ARHGEF28: variants seen among roughly 807,000 people sequenced by gnomAD.
ARHGEF28 encodes 190 kDa guanine nucleotide exchange factor.
Under a neutral mutation model 206.6 loss-of-function variants are expected in ARHGEF28, and 152 were observed. That is an observed-to-expected ratio of 0.74 (90% CI 0.64 to 0.84). The LOEUF (loss-of-function observed/expected upper bound fraction) is 0.84. Among genes scored for constraint, ARHGEF28 ranks in the 40% least tolerant of loss-of-function variants. ARHGEF28 has a pLI of 0.00. For missense variants in ARHGEF28, 2,028 were observed against 2,073.2 expected, an observed-to-expected ratio of 0.98 and a Z score of 0.42; for synonymous variants, 763 against 776.4, an observed-to-expected ratio of 0.98 and a Z score of 0.29.
intron 2 of ARHGEF28, among the ~76,000 whole-genome samples, chr5:73,742,183 G>T (rs752982954): frequency 3.3e-5 from 5 of 151,898 alleles, no homozygotes; most frequent in Non-Finnish European, 4.4e-5. Context: ...TAAGCTTTCT[G>T]TGTTATTTTT....
intron 1 of ARHGEF28, among the ~76,000 whole-genome samples, chr5:73,672,229 G>A (rs1010504505): frequency 6.6e-6 from 1 of 152,116 alleles, no homozygotes; most frequent in African/African-American, 2.4e-5. Flanking sequence ...GATGGATTAT[G>A]TATAAACATA....
chr5:73,759,007 G>T (rs1257640424), intron 4 of ARHGEF28, among the ~76,000 whole-genome samples: 1 of 152,098 alleles, frequency 6.6e-6, no homozygotes, highest in Non-Finnish European at 1.5e-5. Flanking sequence ...TTGAACTTTT[G>T]GAACTCTTCT....
rs35148675 is a variant in ARHGEF28 at position 73,730,659 on chromosome 5, C to A, written c.34-19178C>A. 7.2e-3 allele frequency among the ~76,000 whole-genome samples: 1,096 copies of A among 151,838 alleles called. 8 individuals carry two copies. The highest frequency in any genetic ancestry group is 8.0e-3 in the Non-Finnish European group (545 of 67,940). On this transcript the variant is annotated intron_variant, in intron 2 of 35. Transcript: ENST00000513042. ...AGGTGATCCTCCTACCTCAGGCCCC[C>A]GAGTAGTTGGGACTACAGGTGTGTG... is the stretch of plus-strand genomic sequence containing the variant.
Position 73,753,022 on chromosome 5 carries a change from C to A in ARHGEF28, c.295C>A (p.Leu99Met). Residue 99 changes from leucine (L) to methionine (M), a missense_variant, in exon 4 of 36, where the codon CTG becomes ATG. By Grantham distance (15) the Leu-to-Met change is conservative. Coordinates refer to ENST00000513042, the MANE Select transcript of ARHGEF28 (RefSeq NM_001177693.2). ...VTYVDNMACRLARLLVTQANR... is the reference protein window; with the variant it reads ...VTYVDNMACRMARLLVTQANR... Reference sequence around the variant, plus strand: ...CTACGTGGACAACATGGCTTGCAGGCTGGCTCGTCTGCTGGTGACGCAGGC... The same window carrying A: ...CTACGTGGACAACATGGCTTGCAGGATGGCTCGTCTGCTGGTGACGCAGGC... 1 of 1,610,358 alleles carries A rather than the reference C, an allele frequency of 6.2e-7. No individual in the cohort carries two copies. The highest frequency in any genetic ancestry group is 8.5e-7 in the Non-Finnish European group (1 of 1,178,422).
intron 2 of ARHGEF28, among the ~76,000 whole-genome samples, chr5:73,721,231 G>T (rs1008942502): frequency 2.0e-5 from 3 of 152,152 alleles, no homozygotes; most frequent in African/African-American, 7.2e-5. Flanking sequence ...GGGTTGCATT[G>T]TCCTGCCATG....
chr5:73,682,068 A>G (rs535592126), intron 1 of ARHGEF28, among the ~76,000 whole-genome samples: 2 of 152,226 alleles, frequency 1.3e-5, no homozygotes, highest in Non-Finnish European at 2.9e-5. Flanking sequence ...TGGATGACAG[A>G]GTGATACTGT....
chr5:73,917,323 C>A (rs1229911056), intron 35 of ARHGEF28, among the ~76,000 whole-genome samples: 2 of 152,168 alleles, frequency 1.3e-5, no homozygotes, highest in African/African-American at 4.8e-5. Context: ...TTAAAGGAAA[C>A]TATAATATTG....
chr5:73,765,777 C>T (rs1415215255), intron 4 of ARHGEF28, among the ~76,000 whole-genome samples: 1 of 152,148 alleles, frequency 6.6e-6, no homozygotes, highest in African/African-American at 2.4e-5. Flanking sequence ...TGCATGAATA[C>T]ATATGTGGCT....
At chr5:73,844,593 GTTTCATTTTCTGGTTC>G (rs902557698) in intron 11 of ARHGEF28, among the ~76,000 whole-genome samples, 17 of 143,332 alleles carry the variant, frequency 1.2e-4, no homozygotes, top group African/African-American at 4.4e-4. Context: ...TTAATTCAAA[GTTTCATTTTCTGGTTC>G]TTGTATTTCA....
At chr5:73,873,562 A>C (rs1236173967) in intron 22 of ARHGEF28, among the ~76,000 whole-genome samples, 2 of 152,188 alleles carry the variant, frequency 1.3e-5, no homozygotes, top group African/African-American at 4.8e-5. Flanking sequence ...ACACTTGGAA[A>C]GGCAGGGAGC....
At chr5:73,800,668 C>T (rs1030823573) in intron 9 of ARHGEF28, among the ~76,000 whole-genome samples, 3 of 151,990 alleles carry the variant, frequency 2.0e-5, no homozygotes, top group South Asian at 2.1e-4. Flanking sequence ...AGAAAAAACC[C>T]GTCTAGAGGC....
intron 2 of ARHGEF28, among the ~76,000 whole-genome samples, chr5:73,710,509 A>G (rs924037527): frequency 1.3e-5 from 2 of 152,144 alleles, no homozygotes; most frequent in Non-Finnish European, 2.9e-5. Flanking sequence ...CAGTATTTTA[A>G]TCATGGTTTT....
intron 1 of ARHGEF28, among the ~76,000 whole-genome samples, chr5:73,667,054 A>C (rs1395301246): frequency 6.6e-6 from 1 of 152,184 alleles, no homozygotes; most frequent in African/African-American, 2.4e-5. Context: ...TCTTAGGCAA[A>C]AAAGGAGGGG....
chr5:73,810,044 CAAG>C lies in ARHGEF28; in HGVS notation c.1024+14654_1024+14656del, dbSNP rs149436758. Among the ~76,000 whole-genome samples, 912 of 152,180 alleles carry C rather than the reference CAAG, an allele frequency of 6.0e-3. 9 individuals are homozygous for C. Among genetic ancestry groups the C allele is most frequent in the African/African-American group, 0.019 (807 of 41,524 alleles). On this transcript the variant is annotated intron_variant, in intron 9 of 35. Transcript: ENST00000513042. The stretch of plus-strand genomic sequence containing the variant: ...AACCCACTTCAATTACTATAGAAAA[CAAG>C]GAGGATAAATGATCCACATTCAGAA...
intron 2 of ARHGEF28, among the ~76,000 whole-genome samples, chr5:73,714,821 T>A (rs1749475578): frequency 6.6e-6 from 1 of 152,154 alleles, no homozygotes; most frequent in Non-Finnish European, 1.5e-5. Flanking sequence ...GTCATTACCC[T>A]CTCCAAAGAT....
chr5:73,678,781 T>C (rs1039800144), intron 1 of ARHGEF28, among the ~76,000 whole-genome samples: 1 of 151,732 alleles, frequency 6.6e-6, no homozygotes, highest in Non-Finnish European at 1.5e-5. Context: ...ATCTTCAAAA[T>C]GTACCCTTAT....
chr5:73,750,132 A>G (rs1412484551), intron 3 of ARHGEF28, 148 bp downstream of exon 3: 1 of 846,224 alleles, frequency 1.2e-6, no homozygotes, highest in South Asian at 1.9e-5. Flanking sequence ...GTATGTGTAT[A>G]TTAGGAAGAA....
chr5:73,741,383 GTGTATATATATATATATATATA>G (rs1751408983), intron 2 of ARHGEF28, among the ~76,000 whole-genome samples: 76 of 18,294 alleles, frequency 4.2e-3, no homozygotes, highest in South Asian at 9.7e-3. Flanking sequence ...GTGTGTGTGT[GTGTATATATATATATATATATA>G]TATATATATA....
At chr5:73,858,040 T>C (rs1237320527) in intron 15 of ARHGEF28, 47 bp from the exon 16 acceptor site, 2 of 1,557,392 alleles carry the variant, frequency 1.3e-6, no homozygotes, top group Middle Eastern at 1.9e-4. Context: ...AGCGTTTTCC[T>C]TTTCTCATTT....
Sources: allele counts gnomAD v4.1 joint callset (sites outside exome capture counted in the v4.1 genomes callset), GRCh38; gene constraint gnomAD v4.1.1; transcripts MANE v1.5; gene names NCBI Gene and HGNC (gene_info 2026-07-23, HGNC 2026-07-21).